The following ITGA8 variants were observed in gnomAD, a reference collection of about 807,000 sequenced individuals.
The protein encoded by ITGA8 is integrin alpha-8.
In ITGA8, 91 loss-of-function variants were observed where a neutral mutation model predicts 142.3. The ratio of observed to expected loss-of-function variants is 0.64; its 90% CI spans 0.54 to 0.76. The LOEUF (loss-of-function observed/expected upper bound fraction) is 0.76. Among genes scored for constraint, ITGA8 ranks in the 30% least tolerant of loss-of-function variants. ITGA8 has a pLI of 0.00. For synonymous variants in ITGA8, 505 were observed against 485.2 expected (o/e 1.04, Z -0.54); for missense variants, 1,406 against 1,327.7 (o/e 1.06, Z -0.92).
Position 15,575,689 on chromosome 10 carries a change from G to T in ITGA8, c.2373-95C>A, listed in dbSNP as rs1253631215. On this transcript the variant is annotated intron_variant, in intron 23 of 29. Coordinates refer to ENST00000378076, the MANE Select transcript of ITGA8 (RefSeq NM_003638.3). ...ATACTAACAGAAGCAGAAGAAAGTG[G>T]TTTTCAATTTATTTGAGTAGATACT... 3.1e-6 allele frequency: 3 copies of T among 976,850 alleles called. No homozygotes were observed. The South Asian group carries it at 4.0e-5, about 13-fold the overall frequency. 60.5% of individuals were successfully genotyped at this position (976,850 alleles called of 1,614,324 possible).
chr10:15,701,953 TG>T (rs1675110244), intron 2 of ITGA8, among the ~76,000 whole-genome samples: 1 of 152,216 alleles, frequency 6.6e-6, no homozygotes, highest in African/African-American at 2.4e-5. Flanking sequence ...AATACTCGTA[TG>T]TATAATTCAA....
rs1458052197 is a variant in ITGA8 at position 15,577,610 on chromosome 10, AC to A, written c.2373-2017del. Among the ~76,000 whole-genome samples, 4 of 152,188 alleles carry A rather than the reference AC, an allele frequency of 2.6e-5. 1 individual carries two copies. The highest frequency in any genetic ancestry group is 5.9e-5 in the Non-Finnish European group (4 of 68,020). ...CATGGCTCACAAAATTCAGTTATTT[AC>A]CCACCGAAGACTACTTCAAATCCAG... On this transcript the variant is annotated intron_variant, in intron 23 of 29. Transcript: ENST00000378076.
chr10:15,547,437 T>C (rs994729641), intron 27 of ITGA8, among the ~76,000 whole-genome samples: 1 of 152,180 alleles, frequency 6.6e-6, no homozygotes, highest in African/African-American at 2.4e-5. Flanking sequence ...CTGGGCATGG[T>C]GGCCCACGCC....
chr10:15,607,006 A>G (rs1471670714), intron 17 of ITGA8, among the ~76,000 whole-genome samples: 1 of 152,100 alleles, frequency 6.6e-6, no homozygotes, highest in African/African-American at 2.4e-5. Flanking sequence ...TCACCCTTCA[A>G]TTGTTTGCCA....
At chr10:15,651,751 C>T (rs1488748771) in intron 11 of ITGA8, among the ~76,000 whole-genome samples, 1 of 152,052 alleles carries the variant, frequency 6.6e-6, no homozygotes, top group Admixed American at 6.6e-5. Flanking sequence ...GAGCAATGAC[C>T]TAGCCAAGTG....
At position 15,671,757 on chromosome 10, in the gene ITGA8, T is replaced by C. The variant is rs78766569; in HGVS notation, c.803-110A>G. On this transcript the variant is annotated intron_variant, in intron 7 of 29. Transcript: ENST00000378076. Reference sequence around the variant, plus strand: ...CATGGTACTGCTTTATTTAGAAACCTCTACAAATATTATAAAAGTTAAAGA... The same window carrying C: ...CATGGTACTGCTTTATTTAGAAACCCCTACAAATATTATAAAAGTTAAAGA... 2.8e-3 allele frequency: 2,046 copies of C among 742,908 alleles called. 61 individuals carry two copies. In the East Asian group the frequency reaches 0.052, roughly 19 times the overall value. 46.0% of individuals were successfully genotyped at this position (742,908 alleles called of 1,614,324 possible).
At chr10:15,559,065 G>T (rs977314239) in intron 25 of ITGA8, among the ~76,000 whole-genome samples, 1 of 152,172 alleles carries the variant, frequency 6.6e-6, no homozygotes, top group East Asian at 1.9e-4. Flanking sequence ...ATGAAGAAAA[G>T]AAATTTCTAC....
rs765709014 is a variant in ITGA8, at chr10:15,607,718, G to T, written c.1723C>A (p.Gln575Lys). The change falls in exon 17 of 30, where the codon CAG becomes AAG. Residue 575 changes from glutamine to lysine, a missense_variant. Physicochemically the swap from Gln to Lys is moderately conservative, Grantham distance 53 (BLOSUM62 1). Transcript: ENST00000378076. ...HRVFPLVIKR[Q>K]KSHQCQDFIV... is the part of the protein sequence containing the mutation. Reference sequence around the variant, plus strand: ...AAATCCTGGCACTGGTGGGATTTCTGCCTTTTTATCACAAGAGGGAAGACG... The same window carrying T: ...AAATCCTGGCACTGGTGGGATTTCTTCCTTTTTATCACAAGAGGGAAGACG... 2.5e-6 allele frequency: 4 copies of T among 1,613,892 alleles called. No homozygotes were observed. Among genetic ancestry groups the T allele is most frequent in the Non-Finnish European group, 2.5e-6 (3 of 1,179,810 alleles).
chr10:15,684,371 G>GC (rs1834797893), intron 3 of ITGA8, among the ~76,000 whole-genome samples: 1 of 145,116 alleles, frequency 6.9e-6, no homozygotes, highest in Non-Finnish European at 1.5e-5. Context: ...TCTGACAATA[G>GC]TTTTTTTTTT....
rs189190862 is a variant in ITGA8 at position 15,601,112 on chromosome 10, G to A, written c.2118+3096C>T. Among the ~76,000 whole-genome samples the A allele has an allele frequency of 4.6e-5, 7 of 152,064 alleles. No individual in the cohort carries two copies. In the East Asian group the frequency reaches 1.2e-3, roughly 25 times the overall value. ...AAATTAGTCAGGCGTGGTGGTGGGC[G>A]CCTGTAATCCCAGCTACCCGGGAGG... On this transcript the variant is annotated intron_variant, in intron 20 of 29. Transcript: ENST00000378076.
At chr10:15,522,268 T>G (rs968429058) in intron 28 of ITGA8, among the ~76,000 whole-genome samples, 1 of 152,228 alleles carries the variant, frequency 6.6e-6, no homozygotes, top group South Asian at 2.1e-4. Flanking sequence ...TACAGCTACA[T>G]GAGCAAATCA....
chr10:15,540,052 C>A (rs998596906), intron 27 of ITGA8, among the ~76,000 whole-genome samples: 1 of 152,134 alleles, frequency 6.6e-6, no homozygotes. Context: ...GCCTCCCCAG[C>A]CATGTGGAAC....
intron 23 of ITGA8, among the ~76,000 whole-genome samples, chr10:15,579,362 G>A (rs1013554565): frequency 1.3e-5 from 2 of 151,944 alleles, no homozygotes; most frequent in African/African-American, 2.4e-5. Context: ...TTTACTGTAA[G>A]TAATGACAGT....
intron 21 of ITGA8, chr10:15,596,961 AAGAC>A: frequency 7.2e-6 from 3 of 416,716 alleles, no homozygotes; most frequent in Non-Finnish European, 1.3e-5. Context: ...TTGTAACTAA[AAGAC>A]AGGCAAGAGT....
chr10:15,618,977 T>C (rs1019485582), intron 13 of ITGA8, among the ~76,000 whole-genome samples: 2 of 152,214 alleles, frequency 1.3e-5, no homozygotes, highest in Non-Finnish European at 2.9e-5. Flanking sequence ...CCTTGAGGGC[T>C]TAGTGTCCCT....
chr10:15,643,548 A>C (rs1242208849), intron 13 of ITGA8, among the ~76,000 whole-genome samples: 1 of 152,170 alleles, frequency 6.6e-6, no homozygotes, highest in Non-Finnish European at 1.5e-5. Context: ...CTAAATACTG[A>C]TGAGATTACA....
chr10:15,648,400 A>G (rs1170535817), intron 11 of ITGA8, among the ~76,000 whole-genome samples: 1 of 150,838 alleles, frequency 6.6e-6, no homozygotes, highest in Non-Finnish European at 1.5e-5. Context: ...TATAATATTC[A>G]TGTATATGAA....
intron 6 of ITGA8, among the ~76,000 whole-genome samples, chr10:15,675,219 C>A (rs972225430): frequency 3.9e-5 from 6 of 152,176 alleles, no homozygotes; most frequent in African/African-American, 1.4e-4. Context: ...TTAGGTGAAA[C>A]CCTTTGGGTA....
At position 15,680,311 on chromosome 10, in the gene ITGA8, T is replaced by C. The variant is rs550217396; in HGVS notation, c.569-1528A>G. Among the ~76,000 whole-genome samples, 186 of 130,820 alleles carry C rather than the reference T, an allele frequency of 1.4e-3. 1 individual carries two copies. Among genetic ancestry groups the C allele is most frequent in the African/African-American group, 5.0e-3 (178 of 35,260 alleles). 85.8% of individuals were successfully genotyped at this position (130,820 alleles called of 152,430 possible). A position where few individuals can be genotyped will look rare whatever the true frequency, so the allele number is the denominator to read the frequency against. On this transcript the variant is annotated intron_variant, in intron 4 of 29. Transcript: ENST00000378076. ...GGCGCGATCTCAGCTCACTACAAGC[T>C]CCGCCTCCCGGGTTCACGCCATTCT...
Sources: gnomAD v4.1 joint callset for allele counts (sites outside exome capture counted in the v4.1 genomes callset) on GRCh38, gnomAD v4.1.1 for gene constraint, MANE v1.5 for transcripts, NCBI Gene and HGNC (gene_info 2026-07-23, HGNC 2026-07-21) for gene names.